Variants in DDX60 observed in about 807,000 individuals in gnomAD.
DDX60 encodes the protein DExD/H-box helicase 60, also known as probable ATP-dependent RNA helicase DDX60.
DDX60 carries 165 observed loss-of-function variants against 212.8 expected under a neutral mutation model. The ratio of observed to expected loss-of-function variants is 0.78; its 90% confidence interval spans 0.68 to 0.88. DDX60 has a LOEUF of 0.88. DDX60 is among the 40% of genes least tolerant of loss of function. The probability of loss-of-function intolerance (pLI) is 0.00; values close to 1 mark genes in which losing one functional copy is unlikely to be tolerated. For missense variants in DDX60, 1,905 were observed against 2,003.9 expected (o/e 0.95, Z 0.94); for synonymous variants, 703 against 685.3 (o/e 1.03, Z -0.40).
At chr4:168,296,184 GAT>G (rs1229908331) in intron 6 of DDX60, among the ~76,000 whole-genome samples, 1 of 152,042 alleles carries the variant, frequency 6.6e-6, no homozygotes, top group African/African-American at 2.4e-5. Flanking sequence ...CAAGGTGATG[GAT>G]ATGTTAATTA....
intron 5 of DDX60, among the ~76,000 whole-genome samples, chr4:168,305,925 C>T (rs570929672): frequency 3.8e-4 from 58 of 152,026 alleles, no homozygotes; most frequent in Non-Finnish European, 7.5e-4. Flanking sequence ...GCAACAGGGG[C>T]GTAATTTTTG....
intron 30 of DDX60, among the ~76,000 whole-genome samples, chr4:168,239,161 GACAA>G (rs1027475851): frequency 2.0e-5 from 3 of 152,066 alleles, no homozygotes; most frequent in African/African-American, 2.4e-5. Context: ...CAGAAAATCA[GACAA>G]ACAAACATTA....
chr4:168,255,464 G>A lies in DDX60; in HGVS notation c.3557+247C>T, dbSNP rs144222077. Among the ~76,000 whole-genome samples the A allele has an allele frequency of 5.3e-4, 81 of 152,260 alleles. No individual in the cohort carries two copies. In the East Asian group the frequency reaches 0.013, roughly 25 times the overall value. On this transcript the variant is annotated intron_variant, in intron 26 of 37. Coordinates refer to ENST00000393743, the MANE Select transcript of DDX60 (RefSeq NM_017631.6). The stretch of plus-strand genomic sequence containing the variant: ...TATGTCAGGTTATAAAATCTACCTA[G>A]GCTGACAGGCTGTGGTTCTACCTCT...
intron 30 of DDX60, among the ~76,000 whole-genome samples, chr4:168,238,637 G>A (rs72693111): frequency 3.3e-5 from 5 of 151,780 alleles, no homozygotes; most frequent in Admixed American, 6.6e-5. Context: ...CAACCTCTTC[G>A]CTCTCATATG....
chr4:168,231,922 C>T (rs192595157), intron 33 of DDX60, among the ~76,000 whole-genome samples: 2 of 151,950 alleles, frequency 1.3e-5, no homozygotes, highest in Non-Finnish European at 2.9e-5. Flanking sequence ...GGAAGTCAAA[C>T]TGTCACCATT....
At chr4:168,275,651 G>T in intron 15 of DDX60, 148 bp from the exon 16 acceptor site, 3 of 661,776 alleles carry the variant, frequency 4.5e-6, no homozygotes, top group Non-Finnish European at 7.0e-6. Flanking sequence ...GTCTTAACTA[G>T]GTAAAATTAG....
intron 5 of DDX60, among the ~76,000 whole-genome samples, chr4:168,304,305 G>A (rs555168254): frequency 9.2e-5 from 14 of 152,180 alleles, no homozygotes; most frequent in African/African-American, 2.4e-4. Context: ...CTGACCCTGT[G>A]TATGCCTAGG....
At chr4:168,263,599 G>C (rs1734714435) in intron 22 of DDX60, 1 of 152,064 alleles carries the variant, frequency 6.6e-6, no homozygotes, top group African/African-American at 2.4e-5. Context: ...GGTCATGAAG[G>C]AAGAACCCTC....
rs751155591 is a variant in DDX60, at chr4:168,236,356, G to C, written c.4429C>G (p.Gln1477Glu). Residue 1477 changes from glutamine (Q) to glutamate (E), a missense_variant, in exon 33 of 38, where the codon CAA (glutamine) becomes GAA (glutamate). Gln to Glu is a conservative substitution (Grantham distance 29). Coordinates refer to ENST00000393743, the MANE Select transcript of DDX60 (RefSeq NM_017631.6). ...PTRKGSKHFS[Q>E]DVMEKLVLVL... ...AATACTAGCTTTTCCATAACGTCTT[G>C]AGAAAAATGTTTTGAGCCTATATAA... 6.2e-7 allele frequency: 1 copy of C among 1,604,848 alleles called. No individual in the cohort carries two copies. Among genetic ancestry groups the C allele is most frequent in the South Asian group, 1.1e-5 (1 of 89,414 alleles).
At chr4:168,304,349 A>C (rs148200878) in intron 5 of DDX60, among the ~76,000 whole-genome samples, 2,149 of 152,222 alleles carry the variant, frequency 0.014, 53 homozygotes, top group African/African-American at 0.05. Flanking sequence ...TTTTCTTTTA[A>C]GAAAAAAGCT....
At chr4:168,276,650 C>T (rs1471265363) in intron 14 of DDX60, among the ~76,000 whole-genome samples, 3 of 152,178 alleles carry the variant, frequency 2.0e-5, no homozygotes, top group African/African-American at 7.2e-5. Context: ...CCAACTGTCA[C>T]ATTCTAGATG....
chr4:168,284,925 T>C lies in DDX60; in HGVS notation c.1456A>G (p.Ile486Val), dbSNP rs193195362. ...DLPFLKSDDP[I>V]VTSLVKQKEF... ...TTTTGTTTAACCAGTGAAGTAACAA[T>C]AGGATCATCACTGTGAGACAAAAAA... Residue 486 changes from isoleucine to valine, a missense_variant, in exon 12 of 38, where the codon ATT becomes GTT. Transcript: ENST00000393743. The C allele has an allele frequency of 2.9e-5, 45 of 1,573,310 alleles. No individual in the cohort carries two copies. In the East Asian group the frequency reaches 9.5e-4, roughly 33 times the overall value.
At chr4:168,285,528 A>T in intron 10 of DDX60, 30 bp from the exon 11 acceptor site, 1 of 1,391,180 alleles carries the variant, frequency 7.2e-7, no homozygotes, top group Non-Finnish European at 1.0e-6. Flanking sequence ...AATTGAGACA[A>T]GGTCAAATGT....
intron 1 of DDX60, among the ~76,000 whole-genome samples, chr4:168,316,932 C>T (rs750396839): frequency 4.6e-5 from 7 of 151,702 alleles, no homozygotes; most frequent in Non-Finnish European, 8.8e-5. Flanking sequence ...GTGACAGTCA[C>T]CTGTAATCCC....
At chr4:168,263,073 G>A (rs1249453925) in intron 22 of DDX60, among the ~76,000 whole-genome samples, 1 of 152,164 alleles carries the variant, frequency 6.6e-6, no homozygotes, top group East Asian at 1.9e-4. Flanking sequence ...AGAGCGATGG[G>A]AAGCTGAAAG....
chr4:168,293,950 C>T lies in DDX60; in HGVS notation c.724-5G>A, dbSNP rs193076857. On this transcript the variant is annotated splice_region_variant and splice_polypyrimidine_tract_variant and intron_variant, in intron 6 of 37. Transcript: ENST00000393743. ...CAGAGATACAGTCTTGTGTGCCTGT[C>T]AAAGAAAAAAATTGTAATGTGTCAT... is the stretch of plus-strand genomic sequence containing the variant. 2,801 of 1,590,650 alleles carry T rather than the reference C, an allele frequency of 1.8e-3. 3 individuals are homozygous for T. The highest frequency in any genetic ancestry group is 2.2e-3 in the Non-Finnish European group (2,539 of 1,173,620).
intron 37 of DDX60, among the ~76,000 whole-genome samples, chr4:168,217,943 T>G (rs1365561095): frequency 2.0e-5 from 3 of 152,158 alleles, no homozygotes; most frequent in African/African-American, 7.2e-5. Flanking sequence ...TTGTGTTGGT[T>G]TAAGCCACTA....
At chr4:168,266,917 T>A (rs913588097) in intron 22 of DDX60, among the ~76,000 whole-genome samples, 1 of 152,214 alleles carries the variant, frequency 6.6e-6, no homozygotes, top group Non-Finnish European at 1.5e-5. Context: ...TGTCTTATTA[T>A]GTTTAACATA....
intron 28 of DDX60, among the ~76,000 whole-genome samples, chr4:168,250,515 G>A (rs17705799): frequency 0.065 from 9,712 of 149,476 alleles, 459 homozygotes; most frequent in East Asian, 0.15. Flanking sequence ...TAAGACAGAG[G>A]ATATCATGAC....
Sources: gnomAD v4.1 joint callset for allele counts (sites outside exome capture counted in the v4.1 genomes callset) on GRCh38, gnomAD v4.1.1 for gene constraint, MANE v1.5 for transcripts, NCBI Gene and HGNC (gene_info 2026-07-23, HGNC 2026-07-21) for gene names.